The following WNT2 variants were observed in gnomAD, a reference collection of about 807,000 sequenced individuals.
WNT2 encodes the protein Wnt family member 2, also known as protein Wnt-2.
A neutral mutation model predicts 36.9 loss-of-function variants in WNT2; 12 were observed. The observed-to-expected ratio is 0.33, with a 90% CI of 0.21 to 0.53. The LOEUF (loss-of-function observed/expected upper bound fraction) is 0.53. Among genes scored for constraint, WNT2 ranks in the 20% least tolerant of loss-of-function variants. The pLI is 0.95. For synonymous variants in WNT2, 163 were observed against 174.6 expected (o/e 0.93, Z 0.52); for missense variants, 379 against 473.1 (o/e 0.80, Z 1.84).
Position 117,297,592 on chromosome 7 carries a change from A to C in WNT2, c.853+20T>G. On this transcript the variant is annotated intron_variant, in intron 4 of 4. Coordinates refer to ENST00000265441, the MANE Select transcript of WNT2 (RefSeq NM_003391.3). ...TTGTTGAAAGAATTAGGTACTATAA[A>C]GAAAGTCTTTTGAACTTACCTGCCT... 2 of 1,597,484 alleles carry C rather than the reference A, an allele frequency of 1.3e-6. No individual in the cohort carries two copies. The highest frequency in any genetic ancestry group is 2.2e-5 in the South Asian group (2 of 90,574).
At chr7:117,307,114 C>T (rs548927076) in intron 3 of WNT2, among the ~76,000 whole-genome samples, 12 of 151,776 alleles carry the variant, frequency 7.9e-5, no homozygotes, top group Non-Finnish European at 1.3e-4. Context: ...CTATACCAGA[C>T]GCAGAAGTCT....
chr7:117,320,505 T>G, intron 2 of WNT2, 62 bp downstream of exon 2: 2 of 1,474,400 alleles, frequency 1.4e-6, no homozygotes, highest in Non-Finnish European at 1.9e-6. Flanking sequence ...TCTTTGAAGA[T>G]GGAGTGAGGG....
rs1795360475 is a variant in WNT2, at chr7:117,323,052, C to G, written c.-63G>C. On this transcript the variant is annotated 5_prime_UTR_variant, in exon 1 of 5. Coordinates refer to ENST00000265441, the MANE Select transcript of WNT2 (RefSeq NM_003391.3). ...GTGCGGGCGCCATGCGTGCCCAGAGCAGAAGCGCTCAGCTCCGGGAGCGCC... is the reference window on the plus strand; with the variant it reads ...GTGCGGGCGCCATGCGTGCCCAGAGGAGAAGCGCTCAGCTCCGGGAGCGCC... 1 of 1,417,206 alleles carries G rather than the reference C, an allele frequency of 7.1e-7. No individual in the cohort carries two copies. The highest frequency in any genetic ancestry group is 9.5e-7 in the Non-Finnish European group (1 of 1,054,458). 87.8% of individuals were successfully genotyped at this position (1,417,206 alleles called of 1,614,324 possible).
intron 4 of WNT2, among the ~76,000 whole-genome samples, chr7:117,287,138 T>C (rs3779552): frequency 0.5 from 75,807 of 151,962 alleles, 19,265 homozygotes; most frequent in Middle Eastern, 0.58. Flanking sequence ...CACAAGTTCA[T>C]GAGATCGAGA....
chr7:117,311,964 A>G (rs570411429), intron 3 of WNT2, among the ~76,000 whole-genome samples: 14 of 152,260 alleles, frequency 9.2e-5, no homozygotes, highest in African/African-American at 3.4e-4. Flanking sequence ...CCTTTTAGGG[A>G]AAGTATTTTC....
intron 3 of WNT2, among the ~76,000 whole-genome samples, chr7:117,308,363 C>A (rs1006061579): frequency 7.2e-5 from 11 of 152,086 alleles, no homozygotes; most frequent in Admixed American, 7.2e-4. Flanking sequence ...CGTTGACTAA[C>A]CATATATATA....
chr7:117,310,438 T>C lies in WNT2; in HGVS notation c.588+4633A>G, dbSNP rs180874017. ...CAAACAAATAAGAAACACCCCAAAT[T>C]AGTCAGGCATGGTGGCAAGTGCCTG... On this transcript the variant is annotated intron_variant, in intron 3 of 4. Transcript: ENST00000265441. Among the ~76,000 whole-genome samples the C allele has an allele frequency of 1.7e-4, 26 of 151,596 alleles. No homozygotes were observed. In the East Asian group the frequency reaches 4.7e-3, roughly 27 times the overall value.
intron 3 of WNT2, among the ~76,000 whole-genome samples, chr7:117,308,457 T>G (rs1456149822): frequency 6.6e-6 from 1 of 152,256 alleles, no homozygotes; most frequent in Admixed American, 6.5e-5. Context: ...AACAATTTTG[T>G]TAAGAGTTAT....
At chr7:117,319,806 GA>G (rs983369724) in intron 2 of WNT2, among the ~76,000 whole-genome samples, 2 of 152,114 alleles carry the variant, frequency 1.3e-5, no homozygotes, top group Non-Finnish European at 2.9e-5. Context: ...TGCTAAGGAA[GA>G]AAAAACCTCT....
At chr7:117,321,561 G>A (rs552096251) in intron 1 of WNT2, among the ~76,000 whole-genome samples, 1 of 152,122 alleles carries the variant, frequency 6.6e-6, no homozygotes, top group African/African-American at 2.4e-5. Context: ...GTTTAGAAAG[G>A]TACCTTTTAT....
At position 117,284,676 on chromosome 7, in the gene WNT2, T is replaced by G. The variant is rs1383934300; in HGVS notation, c.854-6292A>C. Among the ~76,000 whole-genome samples, 1 of 152,222 alleles carries G rather than the reference T, an allele frequency of 6.6e-6. No individual in the cohort carries two copies. Among genetic ancestry groups the G allele is most frequent in the Non-Finnish European group, 1.5e-5 (1 of 68,042 alleles). On this transcript the variant is annotated intron_variant, in intron 4 of 4. Coordinates refer to ENST00000265441, the MANE Select transcript of WNT2 (RefSeq NM_003391.3). This position sits in a 1 kb window ranked among gnomAD's most constrained non-coding sequence, Gnocchi z 5.2. ...TCTTTCTTCCTTTCCCTCTATCTTC[T>G]TTTCACTCTCTTTCTTTTCTTTCTG... is the stretch of plus-strand genomic sequence containing the variant.
chr7:117,275,817 C>G lies in WNT2; in HGVS notation c.*2338G>C, dbSNP rs562679471. On this transcript the variant is annotated 3_prime_UTR_variant, in exon 5 of 5. Transcript: ENST00000265441. ...TTTTTCCCACCTCAGTGGCAGGACC[C>G]ACTGCCACTTGCGATGGTTGCCATA... Among the ~76,000 whole-genome samples, 3 of 152,208 alleles carry G rather than the reference C, an allele frequency of 2.0e-5. No individual in the cohort carries two copies. The highest frequency in any genetic ancestry group is 4.8e-5 in the African/African-American group (2 of 41,436).
chr7:117,296,012 T>G (rs559863574), intron 4 of WNT2, among the ~76,000 whole-genome samples: 2 of 152,342 alleles, frequency 1.3e-5, no homozygotes, highest in South Asian at 4.1e-4. Context: ...TGTGCAATGA[T>G]CTCAGCCCAG....
intron 3 of WNT2, among the ~76,000 whole-genome samples, chr7:117,312,098 A>G (rs867501806): frequency 2.0e-5 from 3 of 152,210 alleles, no homozygotes; most frequent in Non-Finnish European, 4.4e-5. Flanking sequence ...CATTTAAAGA[A>G]GTTGTGATTA....
intron 3 of WNT2, among the ~76,000 whole-genome samples, chr7:117,311,584 TA>T (rs1335214735): frequency 2.0e-5 from 3 of 152,210 alleles, no homozygotes; most frequent in Non-Finnish European, 4.4e-5. Context: ...TTTTATCAAT[TA>T]AAAAATACTA....
At position 117,282,174 on chromosome 7, in the gene WNT2, A is replaced by G. The variant is rs78488048; in HGVS notation, c.854-3790T>C. Among the ~76,000 whole-genome samples, 42 of 152,334 alleles carry G rather than the reference A, an allele frequency of 2.8e-4. 1 individual carries two copies. The East Asian group carries it at 4.6e-3, about 17-fold the overall frequency. Reference sequence around the variant, plus strand: ...GGAGGTGATTTTCCTTGGGGAATAGAGAAAAAGAGCATGAGACATGCCTCT... The same window carrying G: ...GGAGGTGATTTTCCTTGGGGAATAGGGAAAAAGAGCATGAGACATGCCTCT... On this transcript the variant is annotated intron_variant, in intron 4 of 4. Coordinates refer to ENST00000265441, the MANE Select transcript of WNT2 (RefSeq NM_003391.3).
intron 4 of WNT2, among the ~76,000 whole-genome samples, chr7:117,291,647 C>T (rs1488872886): frequency 1.3e-5 from 2 of 152,228 alleles, no homozygotes; most frequent in African/African-American, 4.8e-5. Context: ...ATCTGAGCTG[C>T]ATGGGGCGAG....
intron 4 of WNT2, among the ~76,000 whole-genome samples, chr7:117,286,820 A>G (rs1440711116): frequency 7.7e-6 from 1 of 129,998 alleles, no homozygotes; most frequent in Admixed American, 7.7e-5. Flanking sequence ...TGTTTTCGTA[A>G]GTTGGAAAAG....
At chr7:117,283,744 A>G (rs1794535456) in intron 4 of WNT2, among the ~76,000 whole-genome samples, 1 of 152,250 alleles carries the variant, frequency 6.6e-6, no homozygotes, top group African/African-American at 2.4e-5. Context: ...TGGTTTCAGT[A>G]AAGGGAACAA....
Sources: allele counts gnomAD v4.1 joint callset (sites outside exome capture counted in the v4.1 genomes callset), GRCh38; gene constraint gnomAD v4.1.1; non-coding constraint Gnocchi (gnomAD v3.1); transcripts MANE v1.5; gene names NCBI Gene and HGNC (gene_info 2026-07-23, HGNC 2026-07-21).